FRMD6: variants seen among roughly 807,000 people sequenced by gnomAD.
FRMD6 encodes the protein FERM domain-containing protein 6.
In FRMD6, 37 loss-of-function variants were observed where a neutral mutation model predicts 73.2. The observed-to-expected ratio is 0.51, with a 90% CI of 0.39 to 0.66. The LOEUF is 0.66. Ranked by LOEUF, FRMD6 falls within the 30% of genes least tolerant of loss-of-function variation. The pLI is 0.00. For synonymous variants in FRMD6, 273 were observed against 282.2 expected, an observed-to-expected ratio of 0.97 and a Z score of 0.33; for missense variants, 714 against 780.5, an observed-to-expected ratio of 0.91 and a Z score of 1.02.
intron 10 of FRMD6, among the ~76,000 whole-genome samples, chr14:51,716,445 T>C (rs556204386): frequency 3.3e-5 from 5 of 152,254 alleles, no homozygotes; most frequent in Non-Finnish European, 5.9e-5. Context: ...AGGGTGAAGA[T>C]TCATATTTTA....
intron 1 of FRMD6, among the ~76,000 whole-genome samples, chr14:51,657,452 C>T (rs1336066011): frequency 1.3e-5 from 2 of 152,182 alleles, no homozygotes; most frequent in Admixed American, 6.5e-5. Context: ...TTTTGGACTG[C>T]ATTTAAATGC....
At chr14:51,666,061 T>G (rs1210176655) in intron 1 of FRMD6, among the ~76,000 whole-genome samples, 1 of 152,270 alleles carries the variant, frequency 6.6e-6, no homozygotes, top group African/African-American at 2.4e-5. Flanking sequence ...TGGTAATCTA[T>G]GATTATAGTG....
At chr14:51,565,069 T>G (rs898915467) in intron 1 of FRMD6, among the ~76,000 whole-genome samples, 3 of 152,214 alleles carry the variant, frequency 2.0e-5, no homozygotes. Flanking sequence ...TTCAAAAAAG[T>G]CATCAACTCA....
intron 1 of FRMD6, among the ~76,000 whole-genome samples, chr14:51,674,225 C>G (rs956533858): frequency 2.0e-5 from 3 of 152,130 alleles, no homozygotes; most frequent in African/African-American, 7.2e-5. Flanking sequence ...AGGAGCAACA[C>G]CATGTTTTCT....
At chr14:51,408,306 T>C in the FRMD6 span, among the ~76,000 whole-genome samples, 1 of 152,048 alleles carries the variant, frequency 6.6e-6, no homozygotes, top group African/African-American at 2.4e-5. Context: ...ACTACAGACA[T>C]GCGCCACCAC....
intron 1 of FRMD6, among the ~76,000 whole-genome samples, chr14:51,521,613 C>T (rs548590743): frequency 1.3e-5 from 2 of 151,024 alleles, no homozygotes; most frequent in South Asian, 2.1e-4. Flanking sequence ...GGAAGAGAAG[C>T]ATGCATTGCT....
At chr14:51,509,872 C>T (rs1036122837) in intron 1 of FRMD6, among the ~76,000 whole-genome samples, 6 of 152,136 alleles carry the variant, frequency 3.9e-5, no homozygotes, top group Non-Finnish European at 5.9e-5. Context: ...GTGATCCACC[C>T]GTCTTGGTCT....
At chr14:51,711,655 C>T (rs1594771249) in intron 8 of FRMD6, 59 bp downstream of exon 8, 1 of 1,214,790 alleles carries the variant, frequency 8.2e-7, no homozygotes, top group East Asian at 2.3e-5. Flanking sequence ...TACAGCATGC[C>T]TCTGTGGTCC....
chr14:51,501,934 G>T (rs1883643755), intron 1 of FRMD6, among the ~76,000 whole-genome samples: 1 of 152,102 alleles, frequency 6.6e-6, no homozygotes, highest in African/African-American at 2.4e-5. Context: ...GCATGAGATG[G>T]TATTTCATTG....
the FRMD6 span, among the ~76,000 whole-genome samples, chr14:51,454,130 T>G: frequency 6.6e-6 from 1 of 152,218 alleles, no homozygotes; most frequent in Non-Finnish European, 1.5e-5. Context: ...AACAGCCTAA[T>G]GCCTCCCTTG....
chr14:51,475,049 T>G, the FRMD6 span, among the ~76,000 whole-genome samples: 1 of 152,170 alleles, frequency 6.6e-6, no homozygotes, highest in Non-Finnish European at 1.5e-5. Flanking sequence ...TAATCCCCAC[T>G]TCCAATGCAT....
chr14:51,514,674 C>T (rs1884518650), intron 1 of FRMD6, among the ~76,000 whole-genome samples: 1 of 152,028 alleles, frequency 6.6e-6, no homozygotes, highest in African/African-American at 2.4e-5. Flanking sequence ...ATGATGAAAC[C>T]CTGTCTCTAC....
At chr14:51,431,426 C>T in the FRMD6 span, among the ~76,000 whole-genome samples, 1 of 152,234 alleles carries the variant, frequency 6.6e-6, no homozygotes, top group South Asian at 2.1e-4. Context: ...AAGTCACCCA[C>T]AGTACTACCC....
chr14:51,728,423 C>G lies in FRMD6; in HGVS notation c.*394C>G, dbSNP rs149192990. 7.8e-5 allele frequency: 14 copies of G among 178,858 alleles called. No individual in the cohort carries two copies. In the South Asian group the frequency reaches 1.6e-3, roughly 21 times the overall value. The allele number at this position is 178,858 out of a possible 1,614,324, so 11.1% of individuals were successfully genotyped here. ...ATTTGTTTGCTTATAAATTTTTTAC[C>G]ACTCCCACATAAAATGCTCATAGTT... On this transcript the variant is annotated 3_prime_UTR_variant, in exon 14 of 14. Coordinates refer to ENST00000344768, the MANE Select transcript of FRMD6 (RefSeq NM_001267046.2).
At position 51,568,243 on chromosome 14, in the gene FRMD6, A is replaced by C; in HGVS notation, c.-209-2105A>C. Among the ~76,000 whole-genome samples the C allele has an allele frequency of 1.3e-5, 2 of 152,254 alleles. 1 individual carries two copies. ...TCTGAGCCAATTCTTGTCTGCAGGA[A>C]ACCTTCCATTGATTTAGGCATTAGA... On this transcript the variant is annotated intron_variant, in intron 1 of 14. Coordinates refer to the FRMD6 transcript ENST00000356218.
chr14:51,459,481 T>C, the FRMD6 span, among the ~76,000 whole-genome samples: 1 of 152,204 alleles, frequency 6.6e-6, no homozygotes, highest in Non-Finnish European at 1.5e-5. Flanking sequence ...TGGGGATTTC[T>C]GCTTTCTCTC....
chr14:51,578,574 A>G (rs77833917), intron 2 of FRMD6, among the ~76,000 whole-genome samples: 5,424 of 152,258 alleles, frequency 0.036, 109 homozygotes, highest in Non-Finnish European at 0.04. Context: ...ACACTTGAGT[A>G]TTGAAGTTTG....
intron 1 of FRMD6, among the ~76,000 whole-genome samples, chr14:51,512,618 T>C (rs1001585587): frequency 1.4e-5 from 2 of 144,868 alleles, no homozygotes; most frequent in African/African-American, 5.4e-5. Flanking sequence ...TTCTTTCTCT[T>C]TTTTTTTTTT....
chr14:51,461,903 A>G, the FRMD6 span, among the ~76,000 whole-genome samples: 1 of 152,218 alleles, frequency 6.6e-6, no homozygotes, highest in Non-Finnish European at 1.5e-5. Flanking sequence ...CATATTGGAG[A>G]TAACAGTAAA....
Sources: allele counts gnomAD v4.1 joint callset (sites outside exome capture counted in the v4.1 genomes callset), GRCh38; gene constraint gnomAD v4.1.1; transcripts MANE v1.5; gene names NCBI Gene and HGNC (gene_info 2026-07-23, HGNC 2026-07-21).